The following SLC9B1 variants were observed in gnomAD, a reference collection of about 807,000 sequenced individuals.
SLC9B1 encodes the protein solute carrier family 9 member B1.
SLC9B1 carries 32 observed loss-of-function variants against 51.7 expected under a neutral mutation model. The observed-to-expected ratio is 0.62, with a 90% CI of 0.47 to 0.83. The LOEUF (loss-of-function observed/expected upper bound fraction) is 0.83. SLC9B1 is among the 40% of genes least tolerant of loss of function. SLC9B1 has a pLI of 0.00. For synonymous variants in SLC9B1, 145 were observed against 212.7 expected, an observed-to-expected ratio of 0.68 and a Z score of 2.77; for missense variants, 406 against 613.2, an observed-to-expected ratio of 0.66 and a Z score of 3.57.
chr4:102,896,409 T>C (rs1011802326), downstream of SLC9B1, among the ~76,000 whole-genome samples: 5 of 152,212 alleles, frequency 3.3e-5, no homozygotes, highest in Admixed American at 3.3e-4. Context: ...TTCTTAATTT[T>C]TATAAAATTG....
chr4:103,019,468 G>A (rs1741627315), intron 1 of SLC9B1, 131 bp downstream of exon 1: 4 of 516,890 alleles, frequency 7.7e-6, no homozygotes, highest in South Asian at 8.2e-5. Context: ...TGGGAGAAGA[G>A]CCCAAGAATC....
intron 3 of SLC9B1, among the ~76,000 whole-genome samples, chr4:102,959,672 G>A (rs527556040): frequency 7.2e-4 from 109 of 152,306 alleles, no homozygotes; most frequent in Non-Finnish European, 1.4e-3. Flanking sequence ...GCGGATCGCT[G>A]ACAGGAAGCA....
chr4:102,895,547 C>G (rs187887572), intron 11 of SLC9B1, among the ~76,000 whole-genome samples: 81 of 152,182 alleles, frequency 5.3e-4, no homozygotes, highest in Non-Finnish European at 8.8e-4. Context: ...GGAAAGAAAA[C>G]TACCAAATTC....
intron 1 of SLC9B1, among the ~76,000 whole-genome samples, chr4:103,008,529 G>C (rs1428665684): frequency 6.6e-6 from 1 of 151,174 alleles, no homozygotes; most frequent in African/African-American, 2.4e-5. Flanking sequence ...CTACCGACGT[G>C]AGTCACTGTG....
At chr4:102,896,002 C>T (rs1379420074), downstream of SLC9B1, among the ~76,000 whole-genome samples, 1 of 152,168 alleles carries the variant, frequency 6.6e-6, no homozygotes, top group African/African-American at 2.4e-5. Flanking sequence ...ATTGCCCAGA[C>T]ATGCAGATTT....
intron 3 of SLC9B1, among the ~76,000 whole-genome samples, chr4:102,976,406 T>C (rs1739072639): frequency 6.6e-6 from 1 of 152,250 alleles, no homozygotes; most frequent in South Asian, 2.1e-4. Flanking sequence ...ATCAATAGTT[T>C]TCATGACATC....
intron 1 of SLC9B1, among the ~76,000 whole-genome samples, chr4:103,010,561 T>C (rs1251332205): frequency 6.6e-6 from 1 of 151,734 alleles, no homozygotes; most frequent in Non-Finnish European, 1.5e-5. Context: ...CAAAAATTTA[T>C]TTTGTCACAG....
chr4:102,890,290 A>G (rs915172408), intron 11 of SLC9B1: 7 of 152,322 alleles, frequency 4.6e-5, no homozygotes, highest in African/African-American at 1.7e-4. Context: ...CTGCTGATCT[A>G]TATAGTACTA....
intron 7 of SLC9B1, among the ~76,000 whole-genome samples, chr4:102,925,242 C>A (rs7437714): frequency 0.55 from 83,125 of 151,822 alleles, 23,330 homozygotes; most frequent in African/African-American, 0.68. Context: ...GGATGAGTTC[C>A]TGTCCTTTAT....
At chr4:102,931,083 G>C (rs532199860) in intron 7 of SLC9B1, among the ~76,000 whole-genome samples, 1 of 151,870 alleles carries the variant, frequency 6.6e-6, no homozygotes, top group African/African-American at 2.4e-5. Context: ...AAAATTAGCC[G>C]GGCGTGGTGG....
chr4:102,985,270 C>G (rs1189708795), intron 3 of SLC9B1, among the ~76,000 whole-genome samples: 1 of 151,986 alleles, frequency 6.6e-6, no homozygotes, highest in Non-Finnish European at 1.5e-5. Context: ...TGTATTTTAC[C>G]TAGTGTATTT....
intron 3 of SLC9B1, 78 bp from the exon 4 acceptor site, chr4:102,949,505 T>C: frequency 8.6e-7 from 1 of 1,161,138 alleles, no homozygotes; most frequent in Non-Finnish European, 1.2e-6. Flanking sequence ...TTCTCTTTTA[T>C]CATATATACT....
At chr4:102,983,733 C>G (rs1739475749) in intron 3 of SLC9B1, among the ~76,000 whole-genome samples, 1 of 151,994 alleles carries the variant, frequency 6.6e-6, no homozygotes, top group Non-Finnish European at 1.5e-5. Context: ...AATGTCTTCT[C>G]TTTTATTTCT....
At chr4:102,941,915 C>T (rs1163457205) in intron 6 of SLC9B1, among the ~76,000 whole-genome samples, 3 of 152,082 alleles carry the variant, frequency 2.0e-5, no homozygotes, top group South Asian at 2.1e-4. Context: ...ACCCTAAAGA[C>T]TCATCCAAAA....
chr4:102,969,563 A>C (rs1738634978), intron 3 of SLC9B1, among the ~76,000 whole-genome samples: 1 of 152,342 alleles, frequency 6.6e-6, no homozygotes, highest in Admixed American at 6.5e-5. Context: ...AATTCAAAAA[A>C]CCAGAGTGCC....
chr4:103,019,130 G>A (rs1741594878), intron 1 of SLC9B1, among the ~76,000 whole-genome samples: 1 of 152,068 alleles, frequency 6.6e-6, no homozygotes, highest in Non-Finnish European at 1.5e-5. Flanking sequence ...GCCAAGAGGA[G>A]TAAACAGGAT....
At chr4:102,951,734 G>T (rs1737567669) in intron 3 of SLC9B1, among the ~76,000 whole-genome samples, 2 of 151,286 alleles carry the variant, frequency 1.3e-5, no homozygotes, top group African/African-American at 2.4e-5. Flanking sequence ...TTTAGATTAT[G>T]GAAAAGATCT....
intron 7 of SLC9B1, among the ~76,000 whole-genome samples, chr4:102,919,291 T>C (rs1269945640): frequency 6.6e-6 from 1 of 152,238 alleles, no homozygotes; most frequent in African/African-American, 2.4e-5. Context: ...TCCAAACTTT[T>C]ATGCTCTGTC....
At chr4:102,928,762 G>A (rs1161557160) in intron 7 of SLC9B1, among the ~76,000 whole-genome samples, 1 of 152,048 alleles carries the variant, frequency 6.6e-6, no homozygotes, top group Non-Finnish European at 1.5e-5. Context: ...TCTAGTATTG[G>A]CTCAGTCCGA....
Sources: gnomAD v4.1 joint callset for allele counts (sites outside exome capture counted in the v4.1 genomes callset) on GRCh38, gnomAD v4.1.1 for gene constraint, MANE v1.5 for transcripts, NCBI Gene and HGNC (gene_info 2026-07-23, HGNC 2026-07-21) for gene names.